The following VWA8 variants were observed in gnomAD, a reference collection of about 807,000 sequenced individuals.
VWA8 encodes von Willebrand factor A domain-containing protein 8.
Under a neutral mutation model 241.5 loss-of-function variants are expected in VWA8, and 221 were observed. The observed-to-expected ratio is 0.91, with a 90% CI of 0.82 to 1.02. The LOEUF (loss-of-function observed/expected upper bound fraction) is 1.02, where lower values mean the gene tolerates loss of function less well. VWA8 is among the 50% of genes least tolerant of loss of function. The pLI is 0.00. For synonymous variants in VWA8, 852 were observed against 827.1 expected, an observed-to-expected ratio of 1.03 and a Z score of -0.52; for missense variants, 2,322 against 2,328.7, an observed-to-expected ratio of 1.00 and a Z score of 0.06.
At chr13:41,570,742 G>C in intron 43 of VWA8, 36 bp from the exon 44 acceptor site, 1 of 1,577,146 alleles carries the variant, frequency 6.3e-7, no homozygotes. Context: ...AGCCATGGCT[G>C]AGAAACTTCT....
At chr13:41,595,159 A>G (rs549381338) in intron 40 of VWA8, among the ~76,000 whole-genome samples, 1 of 152,294 alleles carries the variant, frequency 6.6e-6, no homozygotes, top group African/African-American at 2.4e-5. Flanking sequence ...TGTAACTCTC[A>G]GTTTTGTTCA....
At chr13:41,862,968 T>C (rs761051978) in intron 12 of VWA8, among the ~76,000 whole-genome samples, 6 of 152,140 alleles carry the variant, frequency 3.9e-5, no homozygotes, top group East Asian at 1.9e-4. Context: ...CATATGTTCA[T>C]TGCAGCACTG....
At chr13:41,657,062 C>T (rs61964862) in intron 37 of VWA8, among the ~76,000 whole-genome samples, 28,254 of 152,068 alleles carry the variant, frequency 0.19, 3,316 homozygotes, top group East Asian at 0.34. Flanking sequence ...GGGTTCAGGG[C>T]ATGTGACCTC....
intron 9 of VWA8, among the ~76,000 whole-genome samples, chr13:41,880,203 T>A (rs950719836): frequency 6.6e-6 from 1 of 152,240 alleles, no homozygotes; most frequent in African/African-American, 2.4e-5. Context: ...TCCATAGTTT[T>A]ATATAAAATA....
chr13:41,695,132 C>T (rs559907093), intron 29 of VWA8, among the ~76,000 whole-genome samples: 13 of 152,104 alleles, frequency 8.5e-5, no homozygotes, highest in Middle Eastern at 3.4e-3. Flanking sequence ...GGAGGAGACG[C>T]GAGTGAGCAA....
intron 35 of VWA8, among the ~76,000 whole-genome samples, chr13:41,677,849 T>C (rs917281303): frequency 6.6e-6 from 1 of 152,170 alleles, no homozygotes; most frequent in African/African-American, 2.4e-5. Flanking sequence ...GTATCCAGGA[T>C]GTCCTGGATA....
At chr13:41,743,210 T>G (rs2045581013) in intron 21 of VWA8, among the ~76,000 whole-genome samples, 1 of 152,118 alleles carries the variant, frequency 6.6e-6, no homozygotes, top group Non-Finnish European at 1.5e-5. Flanking sequence ...GAGCAAGTAA[T>G]CAACTTTATT....
intron 1 of VWA8, among the ~76,000 whole-genome samples, chr13:41,951,349 G>A (rs980923875): frequency 1.1e-4 from 16 of 152,138 alleles, no homozygotes; most frequent in Non-Finnish European, 1.8e-4. Flanking sequence ...GCCAGGAGGC[G>A]GAGGTTGCAG....
intron 7 of VWA8, among the ~76,000 whole-genome samples, chr13:41,886,239 G>A (rs185649813): frequency 6.6e-6 from 1 of 152,042 alleles, no homozygotes; most frequent in Admixed American, 6.6e-5. Context: ...CAATATTTGA[G>A]GTTTTTCACC....
intron 26 of VWA8, among the ~76,000 whole-genome samples, chr13:41,712,198 T>C (rs985577036): frequency 6.6e-6 from 1 of 152,108 alleles, no homozygotes; most frequent in Non-Finnish European, 1.5e-5. Context: ...CTAGAGTGAC[T>C]ATACTTAGCA....
chr13:41,694,440 A>G (rs1207209096), intron 29 of VWA8, among the ~76,000 whole-genome samples: 1 of 152,062 alleles, frequency 6.6e-6, no homozygotes, highest in African/African-American at 2.4e-5. Flanking sequence ...ATAATTCTCC[A>G]TTAAGAATGT....
chr13:41,884,186 A>T (rs535725074), intron 8 of VWA8, among the ~76,000 whole-genome samples: 1 of 152,264 alleles, frequency 6.6e-6, no homozygotes, highest in South Asian at 2.1e-4. Flanking sequence ...CCCCACCCAA[A>T]TCTCATCTTG....
chr13:41,596,562 G>C (rs984076663), intron 40 of VWA8, among the ~76,000 whole-genome samples: 1 of 151,966 alleles, frequency 6.6e-6, no homozygotes, highest in Non-Finnish European at 1.5e-5. Context: ...AAGTATCCCT[G>C]TAAATATGTC....
In VWA8 at chr13:41,590,761, T is replaced by C. The variant is rs1193204600; in HGVS notation, c.4991A>G (p.Lys1664Arg). 1 of 1,613,982 alleles carries C rather than the reference T, an allele frequency of 6.2e-7. No homozygotes were observed. Among genetic ancestry groups the C allele is most frequent in the East Asian group, 2.2e-5 (1 of 44,876 alleles). The change falls in exon 41 of 45, where the codon AAA (lysine) becomes AGA (arginine). Residue 1664 changes from lysine (K) to arginine (R), a missense_variant. Transcript: ENST00000379310. ...LRIILDNLQA[K>R]GKERQWLRHQ... is the part of the protein sequence containing the mutation. ...TCTTAGCCATTGTCTTTCTTTACCT[T>C]TAGCCTACAAAAGACACACATACAC...
At chr13:41,851,551 A>AG (rs1473443004) in intron 12 of VWA8, among the ~76,000 whole-genome samples, 2 of 152,186 alleles carry the variant, frequency 1.3e-5, no homozygotes, top group Admixed American at 1.3e-4. Context: ...GGTAGTGAAT[A>AG]AGTCTCATAA....
chr13:41,592,854 A>T (rs1211163298), intron 40 of VWA8, among the ~76,000 whole-genome samples: 1 of 152,214 alleles, frequency 6.6e-6, no homozygotes, highest in African/African-American at 2.4e-5. Context: ...CTTCATCTCT[A>T]AAATGAAGAT....
chr13:41,733,546 T>A (rs1293640671), intron 21 of VWA8, among the ~76,000 whole-genome samples: 2 of 152,180 alleles, frequency 1.3e-5, no homozygotes, highest in African/African-American at 4.8e-5. Flanking sequence ...TCACTATTGT[T>A]GTTGCTGTGA....
chr13:41,848,088 A>C (rs1483586895), intron 12 of VWA8, among the ~76,000 whole-genome samples: 1 of 152,202 alleles, frequency 6.6e-6, no homozygotes. Flanking sequence ...ATGAGGGGTG[A>C]GGGTGATGGG....
chr13:41,896,865 T>A (rs1469702204), intron 4 of VWA8, among the ~76,000 whole-genome samples: 1 of 152,140 alleles, frequency 6.6e-6, no homozygotes, highest in African/African-American at 2.4e-5. Context: ...AAAATGTAAA[T>A]GGCTATGTTA....
Sources: gnomAD v4.1 joint callset for allele counts (sites outside exome capture counted in the v4.1 genomes callset) on GRCh38, gnomAD v4.1.1 for gene constraint, MANE v1.5 for transcripts, NCBI Gene and HGNC (gene_info 2026-07-23, HGNC 2026-07-21) for gene names.